The following PLCG2 variants were observed in gnomAD, a reference collection of about 807,000 sequenced individuals.
PLCG2 encodes phospholipase C gamma 2.
Under a neutral mutation model 175.6 loss-of-function variants are expected in PLCG2, and 69 were observed. That is an observed-to-expected ratio of 0.39 (90% CI 0.32 to 0.48). PLCG2 has a LOEUF of 0.48. PLCG2 is among the 20% of genes least tolerant of loss of function. The probability of loss-of-function intolerance (pLI) is 0.91; values close to 1 mark genes in which losing one functional copy is unlikely to be tolerated. For missense variants in PLCG2, 1,798 were observed against 1,650.9 expected (o/e 1.09, Z -1.54); for synonymous variants, 827 against 624.0 (o/e 1.33, Z -4.85).
intron 5 of PLCG2, among the ~76,000 whole-genome samples, chr16:81,860,129 G>A (rs1906894111): frequency 1.4e-5 from 2 of 141,358 alleles, no homozygotes; most frequent in African/African-American, 5.2e-5. Context: ...GTTTCACCAT[G>A]CCTGGCTTAT....
upstream of PLCG2, among the ~76,000 whole-genome samples, chr16:81,778,899 G>T (rs1184859081): frequency 6.6e-6 from 1 of 152,226 alleles, no homozygotes; most frequent in Non-Finnish European, 1.5e-5. Flanking sequence ...GAGCTCAGAC[G>T]ATCCTCCCGT....
In PLCG2 at chr16:81,960,730, C is replaced by T. The variant is rs13333641; in HGVS notation, c.*2732C>T. ...AGCCGGACAACATGTTCTAATACTT[C>T]GTATGCTTTGTGACCTAGTTAAAAT... On this transcript the variant is annotated 3_prime_UTR_variant, in exon 33 of 33. Transcript: ENST00000564138. 975 of 228,870 alleles carry T rather than the reference C, an allele frequency of 4.3e-3. 14 individuals are homozygous for T. The highest frequency in any genetic ancestry group is 0.02 in the African/African-American group (895 of 45,238). The allele number at this position is 228,870 out of a possible 1,614,324, so 14.2% of individuals were successfully genotyped here.
At chr16:81,791,258 G>C (rs185220910) in intron 2 of PLCG2, among the ~76,000 whole-genome samples, 1 of 152,252 alleles carries the variant, frequency 6.6e-6, no homozygotes, top group South Asian at 2.1e-4. Context: ...ATTTGGATGT[G>C]GGGGAGGTGG....
intron 22 of PLCG2, among the ~76,000 whole-genome samples, chr16:81,926,280 G>A (rs2143699663): frequency 6.6e-6 from 1 of 152,200 alleles, no homozygotes; most frequent in East Asian, 1.9e-4. Context: ...GGATTCTGGA[G>A]GCCCTGGGGA....
intron 5 of PLCG2, among the ~76,000 whole-genome samples, chr16:81,866,835 G>T (rs1207679057): frequency 1.3e-5 from 2 of 152,238 alleles, no homozygotes; most frequent in Non-Finnish European, 2.9e-5. Flanking sequence ...GGTAGCGCCT[G>T]TTCCCACTGC....
At chr16:81,940,433 G>A (rs1341623527) in intron 30 of PLCG2, among the ~76,000 whole-genome samples, 1 of 151,776 alleles carries the variant, frequency 6.6e-6, no homozygotes, top group Non-Finnish European at 1.5e-5. Context: ...TGAGAGGGTG[G>A]CAAGGGAGAG....
rs73590818 is a variant in PLCG2, at chr16:81,838,017, G to C, written c.194-16427G>C. On this transcript the variant is annotated intron_variant, in intron 2 of 32. Transcript: ENST00000564138. ...ATCATAGTCAAGAGACTAAAGCAAT[G>C]TAATGATTTCTTACACCAATTCCAT... Among the ~76,000 whole-genome samples, 858 of 152,154 alleles carry C rather than the reference G, an allele frequency of 5.6e-3. 18 individuals are homozygous for C. Among genetic ancestry groups the C allele is most frequent in the African/African-American group, 0.02 (831 of 41,508 alleles).
At chr16:81,770,435 T>TG (rs1269926388) in intron 2 of PLCG2, among the ~76,000 whole-genome samples, 1 of 152,234 alleles carries the variant, frequency 6.6e-6, no homozygotes, top group Non-Finnish European at 1.5e-5. Flanking sequence ...TTTTTTGGCC[T>TG]GGTGTGGTAG....
At chr16:81,856,061 C>T (rs1906666552) in intron 3 of PLCG2, among the ~76,000 whole-genome samples, 1 of 152,186 alleles carries the variant, frequency 6.6e-6, no homozygotes, top group Non-Finnish European at 1.5e-5. Flanking sequence ...ATATATCCCA[C>T]TCTTGGTCCC....
chr16:81,928,344 A>G (rs868787320), intron 23 of PLCG2, among the ~76,000 whole-genome samples: 1 of 152,106 alleles, frequency 6.6e-6, no homozygotes, highest in African/African-American at 2.4e-5. Context: ...TGGAAAATGA[A>G]ACTCCGAACC....
intron 2 of PLCG2, among the ~76,000 whole-genome samples, chr16:81,815,776 A>G (rs975342115): frequency 6.6e-6 from 1 of 152,136 alleles, no homozygotes; most frequent in African/African-American, 2.4e-5. Context: ...AGCAGTCTTA[A>G]ATGACCAGAC....
rs1910871230 is a variant in PLCG2 at position 81,784,256 on chromosome 16, G to A, written c.-47-1687G>A. Among the ~76,000 whole-genome samples, 3 of 152,218 alleles carry A rather than the reference G, an allele frequency of 2.0e-5. No individual in the cohort carries two copies. In the South Asian group the frequency reaches 6.2e-4, roughly 31 times the overall value. ...CATTTGCATCCTAGTCCCCACCTCA[G>A]TGCCTGGCATAGAGTTGACATTTGA... is the stretch of plus-strand genomic sequence containing the variant. On this transcript the variant is annotated intron_variant, in intron 1 of 32. Coordinates refer to ENST00000564138, the MANE Select transcript of PLCG2 (RefSeq NM_002661.5).
At chr16:81,759,088 T>C (rs957671477) in intron 2 of PLCG2, among the ~76,000 whole-genome samples, 1 of 152,274 alleles carries the variant, frequency 6.6e-6, no homozygotes, top group African/African-American at 2.4e-5. Flanking sequence ...ATCAGTCATT[T>C]GTATATTTTC....
intron 7 of PLCG2, 124 bp from the exon 8 acceptor site, chr16:81,880,786 T>C: frequency 1.2e-6 from 1 of 837,158 alleles, no homozygotes; most frequent in Non-Finnish European, 1.9e-6. Flanking sequence ...TCAACTAAAA[T>C]GATATTTTTA....
chr16:81,778,055 C>CAAACAAACAAAA (rs1910516699), upstream of PLCG2, among the ~76,000 whole-genome samples: 1 of 56,764 alleles, frequency 1.8e-5, no homozygotes, highest in African/African-American at 8.3e-5. Flanking sequence ...AAAAAAAAAA[C>CAAACAAACAAAA]AAAAAAAACC....
chr16:81,865,370 G>A (rs1907177989), intron 5 of PLCG2, among the ~76,000 whole-genome samples: 1 of 152,156 alleles, frequency 6.6e-6, no homozygotes, highest in Admixed American at 6.5e-5. Context: ...CACATCCAGA[G>A]GTGGGAGTGA....
intron 26 of PLCG2, 34 bp downstream of exon 26, chr16:81,934,565 C>A: frequency 8.0e-7 from 1 of 1,246,764 alleles, no homozygotes; most frequent in Non-Finnish European, 1.2e-6. Flanking sequence ...CCCTATAACT[C>A]CAATGAAAAC....
chr16:81,832,604 G>T (rs567386915), intron 2 of PLCG2, among the ~76,000 whole-genome samples: 1 of 152,156 alleles, frequency 6.6e-6, no homozygotes, highest in African/African-American at 2.4e-5. Context: ...GGATTTTGCC[G>T]TGTTGCCCAG....
intron 24 of PLCG2, among the ~76,000 whole-genome samples, chr16:81,930,109 G>T (rs749649957): frequency 8.5e-5 from 13 of 152,166 alleles, no homozygotes; most frequent in Non-Finnish European, 1.8e-4. Context: ...GCTGAGGTGG[G>T]TGGATCCCTT....
Sources: gnomAD v4.1 joint callset for allele counts (sites outside exome capture counted in the v4.1 genomes callset) on GRCh38, gnomAD v4.1.1 for gene constraint, MANE v1.5 for transcripts, NCBI Gene and HGNC (gene_info 2026-07-23, HGNC 2026-07-21) for gene names.